MACF1: variants seen among roughly 807,000 people sequenced by gnomAD.
The protein encoded by MACF1 is microtubule-actin cross-linking factor 1.
In MACF1, 193 loss-of-function variants were observed where a neutral mutation model predicts 854.8. The observed-to-expected ratio is 0.23, with a 90% CI of 0.20 to 0.25. The LOEUF (loss-of-function observed/expected upper bound fraction) is 0.25. Ranked by LOEUF, MACF1 falls within the 10% of genes least tolerant of loss-of-function variation. MACF1 has a pLI of 1.00. For synonymous variants in MACF1, 3,185 were observed against 3,226.7 expected (o/e 0.99, Z 0.44); for missense variants, 7,722 against 8,929.1 (o/e 0.86, Z 5.45).
chr1:39,175,948 A>G (rs1460357702), intron 2 of MACF1, among the ~76,000 whole-genome samples: 2 of 147,596 alleles, frequency 1.4e-5, no homozygotes. Context: ...ATACAAAAAA[A>G]AAAAAAAAAA....
chr1:39,134,661 TTG>T (rs2148176678), intron 2 of MACF1, among the ~76,000 whole-genome samples: 1 of 152,344 alleles, frequency 6.6e-6, no homozygotes, highest in East Asian at 1.9e-4. Flanking sequence ...TGCAGGGTTT[TTG>T]TAAAGGTTAA....
chr1:39,385,119 G>T (rs1384357712), intron 56 of MACF1, among the ~76,000 whole-genome samples: 1 of 152,180 alleles, frequency 6.6e-6, no homozygotes, highest in Non-Finnish European at 1.5e-5. Context: ...CCAGGCTGGA[G>T]TGCAGTGGTG....
At chr1:39,194,699 C>CTCCCT (rs1027758290) in intron 2 of MACF1, among the ~76,000 whole-genome samples, 1 of 147,806 alleles carries the variant, frequency 6.8e-6, no homozygotes, top group Non-Finnish European at 1.5e-5. Flanking sequence ...CTCCCCTCCC[C>CTCCCT]TCCCTTCCCT....
intron 44 of MACF1, among the ~76,000 whole-genome samples, chr1:39,355,844 C>T (rs1286187746): frequency 1.3e-5 from 2 of 152,128 alleles, no homozygotes; most frequent in East Asian, 1.9e-4. Flanking sequence ...CTCACTGTAA[C>T]AGGTGTGGAC....
chr1:39,427,941 T>G lies in MACF1; in HGVS notation c.16477-20T>G. 6.4e-7 allele frequency: 1 copy of G among 1,565,306 alleles called. No homozygotes were observed. Among genetic ancestry groups the G allele is most frequent in the Non-Finnish European group, 8.7e-7 (1 of 1,146,996 alleles). On this transcript the variant is annotated intron_variant, in intron 62 of 100. Transcript: ENST00000564288. ...ATTTATTTTGTTTCTGTTATTCATT[T>G]TTTCCATCTGGATTTCCAGGCTCTG...
chr1:39,274,024 A>G (rs1645383587), intron 6 of MACF1, among the ~76,000 whole-genome samples: 1 of 152,192 alleles, frequency 6.6e-6, no homozygotes, highest in Non-Finnish European at 1.5e-5. Context: ...GTTTTTAGAG[A>G]AAAACAGGAG....
chr1:39,289,692 C>CTTTTTT (rs1164932499), intron 15 of MACF1, among the ~76,000 whole-genome samples: 2 of 23,538 alleles, frequency 8.5e-5, no homozygotes, highest in South Asian at 1.5e-3. Flanking sequence ...TGTGGGTTGT[C>CTTTTTT]CTTTTTTTTT....
intron 52 of MACF1, among the ~76,000 whole-genome samples, chr1:39,377,731 C>T (rs942989382): frequency 6.6e-6 from 1 of 152,108 alleles, no homozygotes; most frequent in Admixed American, 6.5e-5. Flanking sequence ...AGGCCAGGCA[C>T]GGTGACTCAT....
At chr1:39,324,976 TGTG>T (rs1175794903) in intron 35 of MACF1, among the ~76,000 whole-genome samples, 4 of 152,176 alleles carry the variant, frequency 2.6e-5, no homozygotes, top group African/African-American at 9.7e-5. Flanking sequence ...AGGATTGACA[TGTG>T]GTGAGAATAG....
At chr1:39,171,730 A>C (rs543758266) in intron 2 of MACF1, among the ~76,000 whole-genome samples, 1 of 152,108 alleles carries the variant, frequency 6.6e-6, no homozygotes, top group Non-Finnish European at 1.5e-5. Context: ...GGTTCACGCC[A>C]TTCTCCTGCC....
At chr1:39,217,754 A>G (rs1032526164) in intron 1 of MACF1, among the ~76,000 whole-genome samples, 1 of 151,630 alleles carries the variant, frequency 6.6e-6, no homozygotes, top group African/African-American at 2.4e-5. Context: ...GCGTGCGCCT[A>G]TAGTCCCAGC....
intron 41 of MACF1, among the ~76,000 whole-genome samples, chr1:39,347,534 C>T (rs768206076): frequency 2.6e-5 from 4 of 151,970 alleles, no homozygotes; most frequent in Non-Finnish European, 5.9e-5. Context: ...TGTATCTAGT[C>T]CTTTCCCTAC....
chr1:39,440,096 C>CTTTTCTTTTT (rs1199919893), intron 72 of MACF1, among the ~76,000 whole-genome samples: 1 of 102,040 alleles, frequency 9.8e-6, no homozygotes, highest in African/African-American at 4.5e-5. Context: ...CTTTTCTTTT[C>CTTTTCTTTTT]TTTTCTTTTC....
intron 1 of MACF1, among the ~76,000 whole-genome samples, chr1:39,227,102 G>A (rs1644725253): frequency 1.3e-5 from 2 of 152,176 alleles, no homozygotes; most frequent in Admixed American, 1.3e-4. Context: ...CTGCTAGAGT[G>A]CAGTGGCACA....
chr1:39,357,183 A>T (rs1410225959), intron 44 of MACF1, among the ~76,000 whole-genome samples, 192 bp from the exon 45 acceptor site: 2 of 152,244 alleles, frequency 1.3e-5, no homozygotes, highest in African/African-American at 4.8e-5. Flanking sequence ...GAATAAAATG[A>T]AGTTAACAGG....
chr1:39,287,708 T>C (rs1333369886), intron 15 of MACF1, 146 bp downstream of exon 15: 1 of 923,666 alleles, frequency 1.1e-6, no homozygotes, highest in Non-Finnish European at 1.6e-6. Context: ...GGTCTTGCTA[T>C]GTTGCCCAGG....
chr1:39,404,477 A>T (rs1171042577), intron 58 of MACF1, among the ~76,000 whole-genome samples: 1 of 151,998 alleles, frequency 6.6e-6, no homozygotes, highest in Admixed American at 6.6e-5. Context: ...TCTGGAAAAA[A>T]AAAAAAATTA....
chr1:39,145,534 C>G (rs182843319), intron 2 of MACF1, among the ~76,000 whole-genome samples: 1 of 151,676 alleles, frequency 6.6e-6, no homozygotes, highest in Admixed American at 6.6e-5. Context: ...TTTTTCTTTA[C>G]CACCAAACTA....
chr1:39,387,123 C>G, intron 57 of MACF1, 64 bp from the exon 58 acceptor site: 2 of 1,551,396 alleles, frequency 1.3e-6, no homozygotes, highest in Non-Finnish European at 1.7e-6. Context: ...CGTATACTCT[C>G]AGCAAACATT....
Sources: allele counts gnomAD v4.1 joint callset (sites outside exome capture counted in the v4.1 genomes callset), GRCh38; gene constraint gnomAD v4.1.1; transcripts MANE v1.5; gene names NCBI Gene and HGNC (gene_info 2026-07-23, HGNC 2026-07-21).